The following DMD variants were observed in gnomAD, a reference collection of about 807,000 sequenced individuals.
The protein encoded by DMD is mutant dystrophin.
DMD carries 63 observed loss-of-function variants against 330.1 expected under a neutral mutation model. That is an observed-to-expected ratio of 0.19 (90% CI 0.16 to 0.24). The LOEUF is 0.24. Ranked by LOEUF, DMD falls within the 10% of genes least tolerant of loss-of-function variation. The pLI is 1.00. For missense variants in DMD, 3,344 were observed against 2,684.1 expected, an observed-to-expected ratio of 1.25 and a Z score of -5.43; for synonymous variants, 1,223 against 959.8, an observed-to-expected ratio of 1.27 and a Z score of -5.07.
chrX:32,856,491 T>C (rs754861157), intron 2 of DMD, among the ~76,000 whole-genome samples: 2 of 109,861 alleles, frequency 1.8e-5, no homozygotes, highest in Admixed American at 1.9e-4. Flanking sequence ...TAAAAAAAAA[T>C]GAGACGCTGT....
intron 52 of DMD, among the ~76,000 whole-genome samples, chrX:31,707,745 T>A (rs2084308733): frequency 1.8e-5 from 2 of 111,800 alleles, no homozygotes; most frequent in Admixed American, 9.5e-5. Context: ...ACTGTCTGAC[T>A]GGAGAAAATT....
intron 7 of DMD, among the ~76,000 whole-genome samples, chrX:32,751,366 G>T (rs1359944846): frequency 9.0e-6 from 1 of 111,338 alleles, no homozygotes; most frequent in Non-Finnish European, 1.9e-5. Flanking sequence ...CCGAACAAAA[G>T]TGACTCATTA....
intron 56 of DMD, among the ~76,000 whole-genome samples, chrX:31,497,978 T>C (rs1265367043): frequency 1.8e-5 from 2 of 112,465 alleles, no homozygotes; most frequent in African/African-American, 6.5e-5. Flanking sequence ...CTTAGCCATT[T>C]GGTAACTTAG....
At chrX:31,693,636 T>C (rs944952532) in intron 52 of DMD, among the ~76,000 whole-genome samples, 2 of 111,302 alleles carry the variant, frequency 1.8e-5, no homozygotes, top group Admixed American at 9.6e-5. Flanking sequence ...GTTTGTACAA[T>C]AACAACAAAC....
chrX:32,980,830 A>T (rs2092689964), intron 2 of DMD, among the ~76,000 whole-genome samples: 2 of 111,936 alleles, frequency 1.8e-5, no homozygotes, highest in Admixed American at 1.9e-4. Context: ...TATCTCCTTT[A>T]CTAATGATAA....
chrX:33,225,884 CA>C (rs898809230), intron 1 of DMD, among the ~76,000 whole-genome samples: 2 of 110,363 alleles, frequency 1.8e-5, no homozygotes, highest in Admixed American at 9.7e-5. Context: ...AAAATAGACA[CA>C]AAAAAATCCA....
chrX:32,601,619 G>A (rs1297536591), intron 12 of DMD, among the ~76,000 whole-genome samples: 6 of 108,657 alleles, frequency 5.5e-5, no homozygotes, highest in Non-Finnish European at 9.6e-5. Flanking sequence ...ACCAAAACTT[G>A]TGCATGACTA....
intron 74 of DMD, among the ~76,000 whole-genome samples, chrX:31,160,955 A>G (rs1406320352): frequency 9.0e-6 from 1 of 111,458 alleles, no homozygotes; most frequent in Non-Finnish European, 1.9e-5. Context: ...GTTCAGGACC[A>G]CCACCCAAGT....
intron 44 of DMD, among the ~76,000 whole-genome samples, chrX:31,968,784 T>G (rs1603618509): frequency 8.9e-6 from 1 of 111,869 alleles, no homozygotes; most frequent in East Asian, 2.8e-4. Context: ...TGTTATAATG[T>G]CCTACAAATC....
intron 7 of DMD, among the ~76,000 whole-genome samples, chrX:32,715,154 A>C (rs1477111789): frequency 9.0e-6 from 1 of 111,130 alleles, no homozygotes; most frequent in East Asian, 2.8e-4. Context: ...CTATATAGTT[A>C]TACACAATGG....
rs752981706 is a variant in DMD, at chrX:32,458,644, T to C, written c.3433-3812A>G. On this transcript the variant is annotated intron_variant, in intron 25 of 78. Coordinates refer to ENST00000357033, the MANE Select transcript of DMD (RefSeq NM_004006.3). ...AAAGAATTCCCTTTTCTCCACATTC[T>C]TGCCAACACTTAGTATCTTTTGCTT... 5.4e-4 allele frequency among the ~76,000 whole-genome samples: 60 copies of C among 111,621 alleles called. 1 individual carries two copies. Among genetic ancestry groups the C allele is most frequent in the African/African-American group, 1.9e-3 (57 of 30,802 alleles).
At chrX:32,171,113 T>C (rs968890220) in intron 44 of DMD, among the ~76,000 whole-genome samples, 5 of 111,927 alleles carry the variant, frequency 4.5e-5, no homozygotes, top group Non-Finnish European at 9.4e-5. Context: ...TATGAAAAGA[T>C]CTGCAAAACC....
intron 44 of DMD, among the ~76,000 whole-genome samples, chrX:32,077,543 A>C (rs2096362226): frequency 9.0e-6 from 1 of 111,692 alleles, no homozygotes; most frequent in African/African-American, 3.3e-5. Flanking sequence ...GCTAACACTT[A>C]AATCCCATCA....
At chrX:31,561,726 C>T (rs2075211212) in intron 55 of DMD, among the ~76,000 whole-genome samples, 1 of 112,367 alleles carries the variant, frequency 8.9e-6, no homozygotes, top group African/African-American at 3.2e-5. Context: ...TCCCTGTCTG[C>T]TCAGCCCATG....
At chrX:32,765,944 C>T (rs764503283) in intron 7 of DMD, among the ~76,000 whole-genome samples, 1 of 111,769 alleles carries the variant, frequency 8.9e-6, no homozygotes, top group South Asian at 3.7e-4. Flanking sequence ...TTCTTAGCAA[C>T]ATTTGTGGCT....
intron 48 of DMD, among the ~76,000 whole-genome samples, chrX:31,862,891 T>C (rs367737578): frequency 4.4e-5 from 5 of 112,556 alleles, no homozygotes; most frequent in African/African-American, 1.6e-4. Context: ...GACAAGTACC[T>C]CTGAAGATCG....
At chrX:31,721,898 C>A (rs1025068733) in intron 52 of DMD, among the ~76,000 whole-genome samples, 80 of 107,228 alleles carry the variant, frequency 7.5e-4, no homozygotes, top group African/African-American at 2.4e-3. Flanking sequence ...GGCCCAAGGA[C>A]TGATTAATGC....
chrX:32,790,193 T>C (rs2075714232), intron 7 of DMD, among the ~76,000 whole-genome samples: 2 of 111,357 alleles, frequency 1.8e-5, no homozygotes, highest in South Asian at 7.5e-4. Flanking sequence ...ATACATTAAC[T>C]AAGAGAAAAC....
intron 44 of DMD, among the ~76,000 whole-genome samples, chrX:32,190,918 C>A (rs2096972527): frequency 9.1e-6 from 1 of 109,597 alleles, no homozygotes; most frequent in Non-Finnish European, 1.9e-5. Context: ...TTCTCCCAAT[C>A]CCATCTTCTG....
Sources: gnomAD v4.1 joint callset for allele counts (sites outside exome capture counted in the v4.1 genomes callset) on GRCh38, gnomAD v4.1.1 for gene constraint, MANE v1.5 for transcripts, NCBI Gene and HGNC (gene_info 2026-07-23, HGNC 2026-07-21) for gene names.